The following MARK1 variants were observed in gnomAD, a reference collection of about 807,000 sequenced individuals.
The protein encoded by MARK1 is microtubule affinity regulating kinase 1.
A neutral mutation model predicts 96.3 loss-of-function variants in MARK1; 40 were observed. That is an observed-to-expected ratio of 0.42 (90% confidence interval 0.32 to 0.54). The LOEUF is 0.54. Ranked by LOEUF, MARK1 falls within the 20% of genes least tolerant of loss-of-function variation. The probability of loss-of-function intolerance (pLI) is 0.16; values close to 1 mark genes in which losing one functional copy is unlikely to be tolerated. For missense variants in MARK1, 719 were observed against 984.6 expected, an observed-to-expected ratio of 0.73 and a Z score of 3.61; for synonymous variants, 317 against 341.2, an observed-to-expected ratio of 0.93 and a Z score of 0.78.
chr1:220,570,019 GA>G (rs1663330644), intron 1 of MARK1, among the ~76,000 whole-genome samples: 2 of 151,990 alleles, frequency 1.3e-5, no homozygotes, highest in African/African-American at 4.8e-5. Flanking sequence ...ACACCTATCT[GA>G]AAAAAATTTT....
chr1:220,656,011 A>G (rs562727427), intron 16 of MARK1, among the ~76,000 whole-genome samples: 24 of 152,322 alleles, frequency 1.6e-4, no homozygotes, highest in Non-Finnish European at 2.9e-4. Flanking sequence ...GAATACCTGC[A>G]TGGCTCACTT....
At chr1:220,551,580 T>C (rs1299818854) in intron 1 of MARK1, among the ~76,000 whole-genome samples, 7 of 152,348 alleles carry the variant, frequency 4.6e-5, no homozygotes, top group African/African-American at 1.7e-4. Context: ...TATCTTTAGG[T>C]GATGCTCATT....
intron 1 of MARK1, among the ~76,000 whole-genome samples, chr1:220,531,018 A>G (rs868634015): frequency 6.6e-6 from 1 of 152,224 alleles, no homozygotes; most frequent in African/African-American, 2.4e-5. Context: ...AGGAGCTTAC[A>G]GAAGAGATAA....
At chr1:220,628,965 A>G (rs1298505642) in intron 9 of MARK1, among the ~76,000 whole-genome samples, 1 of 151,858 alleles carries the variant, frequency 6.6e-6, no homozygotes, top group African/African-American at 2.4e-5. Context: ...AAAAGCCTCC[A>G]ATCCAGCACA....
At chr1:220,537,033 A>G (rs2102698965) in intron 1 of MARK1, among the ~76,000 whole-genome samples, 1 of 149,508 alleles carries the variant, frequency 6.7e-6, no homozygotes, top group South Asian at 2.1e-4. Flanking sequence ...GGATTTGCAC[A>G]TTTGTTACAT....
chr1:220,617,168 T>G (rs1011995229), intron 7 of MARK1, among the ~76,000 whole-genome samples: 3 of 152,210 alleles, frequency 2.0e-5, no homozygotes, highest in Non-Finnish European at 4.4e-5. Flanking sequence ...TGTGACAATC[T>G]AATATAAATT....
At chr1:220,611,055 T>C (rs150274120) in intron 6 of MARK1, among the ~76,000 whole-genome samples, 1,797 of 152,296 alleles carry the variant, frequency 0.012, 28 homozygotes, top group African/African-American at 0.041. Flanking sequence ...GGAGGCAGTC[T>C]GTCCATTTTC....
chr1:220,592,812 C>T (rs115700488), intron 3 of MARK1, among the ~76,000 whole-genome samples: 2,872 of 152,220 alleles, frequency 0.019, 38 homozygotes, highest in Non-Finnish European at 0.031. Flanking sequence ...ATTATGGGTG[C>T]ACAGATGTCA....
chr1:220,550,846 T>C (rs2589587), intron 1 of MARK1, among the ~76,000 whole-genome samples: 142,970 of 152,258 alleles, frequency 0.94, 67,838 homozygotes, highest in East Asian at 1. Flanking sequence ...TTTATCACAT[T>C]GGAGTTCAGT....
intron 6 of MARK1, among the ~76,000 whole-genome samples, chr1:220,611,331 CTG>C (rs1245591024): frequency 1.3e-5 from 2 of 152,244 alleles, no homozygotes; most frequent in Non-Finnish European, 2.9e-5. Flanking sequence ...CAATCTCAGA[CTG>C]TTGTGCTAGC....
rs1467956165 is a variant in MARK1, at chr1:220,618,255, T to C, written c.553-55T>C. The stretch of plus-strand genomic sequence containing the variant: ...TTGGAAGCTAAAACTCTTTTACAAA[T>C]ATTTTTATTTTATGTAGGCTTTTTA... On this transcript the variant is annotated intron_variant, in intron 7 of 17. Coordinates refer to ENST00000366917, the MANE Select transcript of MARK1 (RefSeq NM_018650.5). The surrounding 1 kb of genome is among the most constrained non-coding windows in gnomAD (Gnocchi z 4.6). 1.8e-6 allele frequency: 2 copies of C among 1,133,222 alleles called. No homozygotes were observed. The highest frequency in any genetic ancestry group is 3.1e-5 in the African/African-American group (2 of 64,060). 70.2% of individuals were successfully genotyped at this position (1,133,222 alleles called of 1,614,324 possible).
intron 9 of MARK1, chr1:220,627,686 A>G (rs1328680281): frequency 1.2e-5 from 2 of 173,154 alleles, no homozygotes; most frequent in African/African-American, 4.8e-5. Flanking sequence ...ACTTTGAACC[A>G]TAAAGAGTAC....
rs568080145 is a variant in MARK1 at position 220,585,830 on chromosome 1, A to G, written c.309+4712A>G. Among the ~76,000 whole-genome samples, 18 of 152,234 alleles carry G rather than the reference A, an allele frequency of 1.2e-4. No homozygotes were observed. In the South Asian group the frequency reaches 3.1e-3, roughly 26 times the overall value. On this transcript the variant is annotated intron_variant, in intron 3 of 17. Coordinates refer to ENST00000366917, the MANE Select transcript of MARK1 (RefSeq NM_018650.5). ...TAATGCTTATTCATTTTCCCAGTCA[A>G]TCTATGATTGTGACTTGGGAATTTT...
chr1:220,641,406 A>G (rs1418296215), intron 13 of MARK1, among the ~76,000 whole-genome samples: 2 of 152,130 alleles, frequency 1.3e-5, no homozygotes, highest in African/African-American at 2.4e-5. Context: ...AATCACAACA[A>G]AAAGATGGCC....
At chr1:220,613,553 A>G (rs1666574305) in intron 6 of MARK1, among the ~76,000 whole-genome samples, 1 of 152,176 alleles carries the variant, frequency 6.6e-6, no homozygotes, top group Non-Finnish European at 1.5e-5. Flanking sequence ...CTAACAAAAG[A>G]TAATGTAATT....
chr1:220,586,356 C>T (rs1038790456), intron 3 of MARK1, among the ~76,000 whole-genome samples: 1 of 152,122 alleles, frequency 6.6e-6, no homozygotes, highest in South Asian at 2.1e-4. Flanking sequence ...TCCCCTCTTC[C>T]CTTAATTAGT....
chr1:220,581,194 C>A, intron 3 of MARK1, 76 bp downstream of exon 3: 1 of 457,884 alleles, frequency 2.2e-6, no homozygotes, highest in East Asian at 3.6e-5. Flanking sequence ...ATCAGTCATT[C>A]TAAATTTTCT....
chr1:220,635,762 GT>G, intron 12 of MARK1, 70 bp from the exon 13 acceptor site: 2 of 1,314,440 alleles, frequency 1.5e-6, no homozygotes, highest in South Asian at 1.5e-5. Flanking sequence ...TTAATACAGA[GT>G]TTTTGTTTGT....
intron 15 of MARK1, among the ~76,000 whole-genome samples, chr1:220,652,894 A>T (rs1158829232): frequency 2.0e-5 from 3 of 152,290 alleles, no homozygotes; most frequent in Admixed American, 2.0e-4. Context: ...TCCCTGTTTC[A>T]GTCATTTCTT....
Sources: gnomAD v4.1 joint callset for allele counts (sites outside exome capture counted in the v4.1 genomes callset) on GRCh38, gnomAD v4.1.1 for gene constraint, Gnocchi (gnomAD v3.1) non-coding constraint, MANE v1.5 for transcripts, NCBI Gene and HGNC (gene_info 2026-07-23, HGNC 2026-07-21) for gene names.